ZNF33B: variants seen among roughly 807,000 people sequenced by gnomAD.
ZNF33B encodes the protein zinc finger protein 33B.
ZNF33B carries 29 observed loss-of-function variants against 45.8 expected under a neutral mutation model. The ratio of observed to expected loss-of-function variants is 0.63; its 90% confidence interval spans 0.47 to 0.86. The LOEUF (loss-of-function observed/expected upper bound fraction) is 0.86. Ranked by LOEUF, ZNF33B falls within the 40% of genes least tolerant of loss-of-function variation. ZNF33B has a pLI of 0.00. For synonymous variants in ZNF33B, 305 were observed against 307.8 expected (o/e 0.99, Z 0.10); for missense variants, 831 against 909.9 (o/e 0.91, Z 1.12).
chr10:42,595,741 A>G (rs1837373077), intron 4 of ZNF33B, among the ~76,000 whole-genome samples: 1 of 152,164 alleles, frequency 6.6e-6, no homozygotes. Flanking sequence ...TGCACAGAGA[A>G]AAGGCTGTGT....
At chr10:42,629,113 G>A (rs997657805) in intron 4 of ZNF33B, among the ~76,000 whole-genome samples, 4 of 152,172 alleles carry the variant, frequency 2.6e-5, no homozygotes, top group Admixed American at 6.6e-5. Context: ...ACACAATGGA[G>A]TACCATTCAC....
exon 2 of ZNF33B, chr10:42,574,526 T>G (rs1338673543): frequency 6.6e-6 from 1 of 152,096 alleles, no homozygotes; most frequent in East Asian, 1.9e-4. Flanking sequence ...TTTTTTATGT[T>G]ACCCACTCCA....
At chr10:42,578,557 A>C (rs1589008271) in intron 1 of ZNF33B, 1 of 152,518 alleles carries the variant, frequency 6.6e-6, no homozygotes, top group South Asian at 2.1e-4. Flanking sequence ...TAAGCATAGG[A>C]CCTACACCAC....
rs144324995 is a variant in ZNF33B, at chr10:42,620,732, G to A, written c.250+11197C>T. Among the ~76,000 whole-genome samples the A allele has an allele frequency of 8.3e-4, 126 of 151,932 alleles. 1 individual carries two copies. The Middle Eastern group carries it at 0.024, about 29-fold the overall frequency. On this transcript the variant is annotated intron_variant, in intron 4 of 4. Coordinates refer to ENST00000359467, the MANE Select transcript of ZNF33B (RefSeq NM_006955.3). ...TTAAAATATGATCAAACTACACATTGTCTAAAACAAACTGACTTAAAATCC... is the reference window on the plus strand; with the variant it reads ...TTAAAATATGATCAAACTACACATTATCTAAAACAAACTGACTTAAAATCC...
intron 2 of ZNF33B, 185 bp downstream of exon 2, chr10:42,636,735 G>A: frequency 1.4e-6 from 1 of 723,536 alleles, no homozygotes; most frequent in Non-Finnish European, 2.2e-6. Flanking sequence ...CAGGTGAATT[G>A]CTTGAACCCA....
chr10:42,580,734 G>C (rs1336255156), intron 1 of ZNF33B, among the ~76,000 whole-genome samples: 1 of 150,564 alleles, frequency 6.6e-6, no homozygotes, highest in African/African-American at 2.4e-5. Flanking sequence ...GCCTGGCCAA[G>C]ATGGTGAGAC....
chr10:42,617,090 C>CTT (rs1370254051), intron 4 of ZNF33B, among the ~76,000 whole-genome samples: 2 of 85,688 alleles, frequency 2.3e-5, no homozygotes, highest in African/African-American at 8.4e-5. Context: ...TTCATTTTTT[C>CTT]TCTTTTTTTT....
intron 1 of ZNF33B, among the ~76,000 whole-genome samples, 174 bp downstream of exon 1, chr10:42,638,300 G>A (rs1482086038): frequency 6.6e-6 from 1 of 152,272 alleles, no homozygotes; most frequent in Non-Finnish European, 1.5e-5. Flanking sequence ...CAGAGGCTGC[G>A]CCTTAGAGGA....
At position 42,591,248 on chromosome 10, in the gene ZNF33B, TC is replaced by T; in HGVS notation, c.*1364del. The T allele has an allele frequency of 1.1e-6, 1 of 925,216 alleles. No individual in the cohort carries two copies. The highest frequency in any genetic ancestry group is 1.3e-6 in the Non-Finnish European group (1 of 775,564). The allele number at this position is 925,216 out of a possible 1,614,324, so 57.3% of individuals were successfully genotyped here. A position where few individuals can be genotyped will look rare whatever the true frequency, so the allele number is the denominator to read the frequency against. On this transcript the variant is annotated 3_prime_UTR_variant, in exon 5 of 5. Transcript: ENST00000359467. ...ACTGGGCTGTATGTGTGGGCCTCTT[TC>T]CAGGGCCCTGTCTTGGAGAGCAGCT...
chr10:42,600,760 C>CATAT (rs1249450711), intron 4 of ZNF33B, among the ~76,000 whole-genome samples: 1 of 152,132 alleles, frequency 6.6e-6, no homozygotes, highest in Non-Finnish European at 1.5e-5. Context: ...ACTTCTTTTT[C>CATAT]ATAGCCTTTT....
intron 1 of ZNF33B, chr10:42,578,374 T>A (rs1431443777): frequency 6.6e-6 from 1 of 152,662 alleles, no homozygotes; most frequent in African/African-American, 2.4e-5. Flanking sequence ...ACTCCTCCTC[T>A]TCATCCTCCT....
At chr10:42,583,793 G>T (rs1365920525) in intron 1 of ZNF33B, among the ~76,000 whole-genome samples, 1 of 152,098 alleles carries the variant, frequency 6.6e-6, no homozygotes, top group Non-Finnish European at 1.5e-5. Context: ...AAGCCCAACA[G>T]ATGTCACTTC....
intron 4 of ZNF33B, among the ~76,000 whole-genome samples, chr10:42,621,689 C>T (rs2132128646): frequency 6.6e-6 from 1 of 152,198 alleles, no homozygotes; most frequent in Non-Finnish European, 1.5e-5. Context: ...AAACACAAAA[C>T]AGAATAGAAC....
At chr10:42,586,576 T>G (rs946787595), downstream of ZNF33B, among the ~76,000 whole-genome samples, 7 of 152,150 alleles carry the variant, frequency 4.6e-5, no homozygotes, top group Non-Finnish European at 1.0e-4. Context: ...TTAACTGGGG[T>G]ATTATAAATC....
At chr10:42,616,195 T>C (rs761078430) in intron 4 of ZNF33B, among the ~76,000 whole-genome samples, 24 of 152,178 alleles carry the variant, frequency 1.6e-4, no homozygotes, top group Non-Finnish European at 1.3e-4. Context: ...ACCATGCCAC[T>C]GCACTCCAGC....
At chr10:42,622,613 A>G (rs1428539093) in intron 4 of ZNF33B, among the ~76,000 whole-genome samples, 1 of 152,204 alleles carries the variant, frequency 6.6e-6, no homozygotes, top group Non-Finnish European at 1.5e-5. Context: ...AATGCAGGCC[A>G]AATATTGTCA....
intron 4 of ZNF33B, among the ~76,000 whole-genome samples, chr10:42,610,378 A>G (rs1398624095): frequency 6.6e-6 from 1 of 152,160 alleles, no homozygotes; most frequent in African/African-American, 2.4e-5. Context: ...TCTACTAAAA[A>G]TACAAAAAAG....
rs1382759044 is a variant in ZNF33B, at chr10:42,638,493, G to A, written c.-64C>T. The A allele has an allele frequency of 3.2e-5, 15 of 467,866 alleles. 1 individual carries two copies. The highest frequency in any genetic ancestry group is 5.1e-5 in the Non-Finnish European group (12 of 234,586). The allele number at this position is 467,866 out of a possible 1,614,324, so 29.0% of individuals were successfully genotyped here. On this transcript the variant is annotated 5_prime_UTR_variant, in exon 1 of 5. An upstream open reading frame in the 5' UTR gains an earlier in-frame stop. Coordinates refer to ENST00000359467, the MANE Select transcript of ZNF33B (RefSeq NM_006955.3). ...GCTTACCTCACTCTCTCTTCGGGTT[G>A]CATTCGCCATAAGAGAGCCGGTAGA...
intron 4 of ZNF33B, among the ~76,000 whole-genome samples, chr10:42,603,740 T>A (rs1837725047): frequency 6.6e-6 from 1 of 152,032 alleles, no homozygotes; most frequent in Admixed American, 6.5e-5. Context: ...ATCAGCAAAG[T>A]GTAACAGCAA....
Sources: gnomAD v4.1 joint callset for allele counts (sites outside exome capture counted in the v4.1 genomes callset) on GRCh38, gnomAD v4.1.1 for gene constraint, MANE v1.5 for transcripts, NCBI Gene and HGNC (gene_info 2026-07-23, HGNC 2026-07-21) for gene names.